The following POU2F1 variants were observed in gnomAD, a reference collection of about 807,000 sequenced individuals.
POU2F1 encodes POU domain, class 2, transcription factor 1.
In POU2F1, 16 loss-of-function variants were observed where a neutral mutation model predicts 84.9. The observed-to-expected ratio is 0.19, with a 90% CI of 0.13 to 0.29. POU2F1 has a LOEUF of 0.29. Among genes scored for constraint, POU2F1 ranks in the 10% least tolerant of loss-of-function variants. The pLI, the probability that POU2F1 is intolerant of heterozygous loss-of-function variation, is 1.00. For missense variants in POU2F1, 738 were observed against 942.6 expected (o/e 0.78, Z 2.84); for synonymous variants, 368 against 368.3 (o/e 1.00, Z 0.01).
At chr1:167,266,770 C>T (rs78344596) in intron 1 of POU2F1, among the ~76,000 whole-genome samples, 11,138 of 151,912 alleles carry the variant, frequency 0.073, 551 homozygotes, top group Non-Finnish European at 0.11. Flanking sequence ...ATTACAGGCA[C>T]GTGCCACCAC....
rs754677129 is a variant in POU2F1 at position 167,376,130 on chromosome 1, C to T, written c.693C>T (p.Ile231=). The change falls in exon 7 of 16, where the codon ATC becomes ATT. Residue 231 remains isoleucine (I), a synonymous_variant. Transcript: ENST00000367866. Reference sequence around the variant, plus strand: ...ATTTGCAGCCAGCGCAGTTTATCATCTCACAGACGCCCCAGGGCCAGCAGG... The same window carrying T: ...ATTTGCAGCCAGCGCAGTTTATCATTTCACAGACGCCCCAGGGCCAGCAGG... ...TTNLQPAQFI[I]SQTPQGQQGL... is the part of the protein sequence containing the mutation. 1.2e-6 allele frequency: 2 copies of T among 1,614,252 alleles called. No homozygotes were observed. The highest frequency in any genetic ancestry group is 1.7e-6 in the Non-Finnish European group (2 of 1,180,040).
chr1:167,272,058 A>G (rs1652404166), intron 1 of POU2F1, among the ~76,000 whole-genome samples: 1 of 152,222 alleles, frequency 6.6e-6, no homozygotes, highest in Non-Finnish European at 1.5e-5. Flanking sequence ...GGCAGAGACC[A>G]TGTGTCCCAT....
intron 2 of POU2F1, among the ~76,000 whole-genome samples, chr1:167,343,298 T>C (rs1657977574): frequency 6.6e-6 from 1 of 152,218 alleles, no homozygotes; most frequent in East Asian, 1.9e-4. Flanking sequence ...GTAACAAATT[T>C]AGAATTTTAA....
chr1:167,258,997 T>A (rs1651353645), intron 1 of POU2F1, among the ~76,000 whole-genome samples: 1 of 152,186 alleles, frequency 6.6e-6, no homozygotes, highest in Non-Finnish European at 1.5e-5. Flanking sequence ...TAACCCCTGT[T>A]TTTATTGCTC....
At position 167,357,141 on chromosome 1, in the gene POU2F1, C is replaced by T. The variant is rs552685847; in HGVS notation, c.128-8326C>T. ...ATATGAAAACTGCCAGACCATCACC[C>T]GACATTCCTAGTGGGCAAGGGAAGA... On this transcript the variant is annotated intron_variant, in intron 2 of 15. Transcript: ENST00000367866. Among the ~76,000 whole-genome samples, 15 of 152,166 alleles carry T rather than the reference C, an allele frequency of 9.9e-5. No individual in the cohort carries two copies. The South Asian group carries it at 1.7e-3, about 17-fold the overall frequency.
At chr1:167,247,038 ATGTG>A (rs10592064) in intron 1 of POU2F1, among the ~76,000 whole-genome samples, 7,050 of 74,878 alleles carry the variant, frequency 0.094, 197 homozygotes, top group South Asian at 0.15. Context: ...TTATATATAT[ATGTG>A]TGTGTGTGTG....
At chr1:167,284,184 A>C (rs1422026254) in intron 1 of POU2F1, among the ~76,000 whole-genome samples, 3 of 152,202 alleles carry the variant, frequency 2.0e-5, no homozygotes, top group African/African-American at 7.2e-5. Context: ...TGTTAAAGCT[A>C]ATGTCCAAAT....
chr1:167,413,474 C>G (rs1002604815), intron 15 of POU2F1, among the ~76,000 whole-genome samples: 4 of 152,114 alleles, frequency 2.6e-5, no homozygotes, highest in Non-Finnish European at 4.4e-5. Context: ...TAAAACCCGT[C>G]TCTAGGCAAA....
Position 167,421,844 on chromosome 1 carries a change from AAAC to A in POU2F1, c.*6037_*6039del, listed in dbSNP as rs749192787. Reference sequence around the variant, plus strand: ...TGAACTAATGTTTATTATGATCGATAAACAAGATTGATGCTGTATGTATTTGGG... The same window carrying A: ...TGAACTAATGTTTATTATGATCGATAAAGATTGATGCTGTATGTATTTGGG... On this transcript the variant is annotated 3_prime_UTR_variant, in exon 16 of 16. Coordinates refer to ENST00000367866, the MANE Select transcript of POU2F1 (RefSeq NM_002697.4). 2 of 152,072 alleles carry A rather than the reference AAAC, an allele frequency of 1.3e-5. No homozygotes were observed. The highest frequency in any genetic ancestry group is 2.9e-5 in the Non-Finnish European group (2 of 68,004). 9.4% of individuals were successfully genotyped at this position (152,072 alleles called of 1,614,324 possible). A position where few individuals can be genotyped will look rare whatever the true frequency, so the allele number is the denominator to read the frequency against.
In POU2F1 at chr1:167,289,381, C is replaced by T. The variant is rs532124096; in HGVS notation, c.62-43089C>T. Among the ~76,000 whole-genome samples the T allele has an allele frequency of 4.6e-5, 7 of 152,222 alleles. No homozygotes were observed. In the East Asian group the frequency reaches 1.4e-3, roughly 29 times the overall value. On this transcript the variant is annotated intron_variant, in intron 1 of 15. Coordinates refer to ENST00000367866, the MANE Select transcript of POU2F1 (RefSeq NM_002697.4). ...CTTCTAGTGAGGACTAAACAGAAAC[C>T]AGACAAGTGAACAGGGTTTAAATTT...
At chr1:167,328,386 G>A (rs1656849406) in intron 1 of POU2F1, among the ~76,000 whole-genome samples, 1 of 152,198 alleles carries the variant, frequency 6.6e-6, no homozygotes, top group Non-Finnish European at 1.5e-5. Context: ...TGACGGAAGT[G>A]TGTTAAGAAT....
intron 12 of POU2F1, among the ~76,000 whole-genome samples, chr1:167,399,708 C>T (rs2101914462): frequency 6.6e-6 from 1 of 152,160 alleles, no homozygotes; most frequent in South Asian, 2.1e-4. Context: ...GAGTCTCATT[C>T]CATCACCCAG....
intron 3 of POU2F1, among the ~76,000 whole-genome samples, chr1:167,368,752 A>G (rs547465828): frequency 6.6e-6 from 1 of 152,240 alleles, no homozygotes; most frequent in South Asian, 2.1e-4. Context: ...TCATCTACTA[A>G]CAGGACTAGC....
At chr1:167,266,946 G>T (rs115372904) in intron 1 of POU2F1, among the ~76,000 whole-genome samples, 5,463 of 152,128 alleles carry the variant, frequency 0.036, 188 homozygotes, top group African/African-American at 0.091. Flanking sequence ...TAGGAATTCT[G>T]TCTCTAGCCA....
chr1:167,278,997 C>T (rs1029920577), intron 1 of POU2F1, among the ~76,000 whole-genome samples: 2 of 152,064 alleles, frequency 1.3e-5, no homozygotes, highest in African/African-American at 4.8e-5. Context: ...AAGGGGAATA[C>T]ATAATTACAC....
intron 1 of POU2F1, among the ~76,000 whole-genome samples, chr1:167,273,044 A>C (rs1249094837): frequency 6.6e-6 from 1 of 152,176 alleles, no homozygotes; most frequent in Non-Finnish European, 1.5e-5. Flanking sequence ...AAAGGGAGAA[A>C]TCAACCAAAA....
intron 9 of POU2F1, among the ~76,000 whole-genome samples, chr1:167,390,917 C>T (rs1648350421): frequency 6.6e-6 from 1 of 152,166 alleles, no homozygotes; most frequent in African/African-American, 2.4e-5. Context: ...GTTAATCGAG[C>T]AAGAATCTAT....
At chr1:167,221,241 C>T (rs961590534) in intron 1 of POU2F1, among the ~76,000 whole-genome samples, 7 of 151,316 alleles carry the variant, frequency 4.6e-5, no homozygotes, top group Admixed American at 3.3e-4. Flanking sequence ...GTCTGCCCGT[C>T]GGCACCGGCC....
At chr1:167,322,405 A>C (rs1169530699) in intron 1 of POU2F1, among the ~76,000 whole-genome samples, 1 of 152,244 alleles carries the variant, frequency 6.6e-6, no homozygotes, top group Non-Finnish European at 1.5e-5. Context: ...TAAACTAGAC[A>C]TACCTAGAAG....
Sources: gnomAD v4.1 joint callset for allele counts (sites outside exome capture counted in the v4.1 genomes callset) on GRCh38, gnomAD v4.1.1 for gene constraint, MANE v1.5 for transcripts, NCBI Gene and HGNC (gene_info 2026-07-23, HGNC 2026-07-21) for gene names.